TLCD5: variants seen among roughly 807,000 people sequenced by gnomAD.
TLCD5 encodes the protein TLC domain containing 5.
TLCD5 carries 15 observed loss-of-function variants against 20.5 expected under a neutral mutation model. The observed-to-expected ratio is 0.73, with a 90% CI of 0.49 to 1.13. TLCD5 has a LOEUF of 1.13. Ranked by LOEUF, TLCD5 falls within the 50% of genes most tolerant of loss-of-function variation. TLCD5 has a pLI of 0.00. For missense variants in TLCD5, 289 were observed against 305.6 expected (o/e 0.95, Z 0.41); for synonymous variants, 107 against 114.7 (o/e 0.93, Z 0.43).
At position 120,331,341 on chromosome 11, in the gene TLCD5, T is replaced by G. The variant is rs1942148801; in HGVS notation, c.*826T>G. 1 of 152,232 alleles carries G rather than the reference T, an allele frequency of 6.6e-6. No individual in the cohort carries two copies. Among genetic ancestry groups the G allele is most frequent in the Non-Finnish European group, 1.5e-5 (1 of 68,038 alleles). 9.4% of individuals were successfully genotyped at this position (152,232 alleles called of 1,614,324 possible). On this transcript the variant is annotated 3_prime_UTR_variant, in exon 3 of 3. Transcript: ENST00000375095. The surrounding 1 kb of genome is among the most constrained non-coding windows in gnomAD (Gnocchi z 4.5). ...TGCACTTAATTCCCCTAGCAGTGAT[T>G]TGTTACGACATGTGAATGAGTTGTC...
intron 2 of TLCD5, among the ~76,000 whole-genome samples, chr11:120,328,678 AG>A (rs869232714): frequency 1.7e-4 from 4 of 24,166 alleles, no homozygotes; most frequent in African/African-American, 4.1e-4. Flanking sequence ...TAACAGTCAT[AG>A]TGTGTGTGTG....
rs531610304 is a variant in TLCD5, at chr11:120,331,094, C to T, written c.*579C>T. 6.6e-6 allele frequency: 1 copy of T among 152,492 alleles called. No individual in the cohort carries two copies. The highest frequency in any genetic ancestry group is 2.1e-4 in the South Asian group (1 of 4,828). The allele number at this position is 152,492 out of a possible 1,614,324, so 9.4% of individuals were successfully genotyped here. A position where few individuals can be genotyped will look rare whatever the true frequency, so the allele number is the denominator to read the frequency against. On this transcript the variant is annotated 3_prime_UTR_variant, in exon 3 of 3. Coordinates refer to ENST00000375095, the MANE Select transcript of TLCD5 (RefSeq NM_001198671.2). This position sits in a 1 kb window ranked among gnomAD's most constrained non-coding sequence, Gnocchi z 4.5. ...TGAGGGGGAGGGCTACTTACTGAAC[C>T]TCCTATACCAACTGTGCCAGAGGTG...
In TLCD5 at chr11:120,327,453, T is replaced by C; in HGVS notation, c.12T>C (p.Ala4=). MAL[A]LCLQVLCSLC... is the part of the protein sequence containing the mutation. ...CTTTTCATCACAGGATGGCATTAGC[T>C]CTGTGTCTGCAGGTGCTGTGCAGCC... Residue 4 remains alanine, a synonymous_variant, in exon 2 of 3, where the codon GCT becomes GCC. Transcript: ENST00000375095. The C allele has an allele frequency of 6.2e-7, 1 of 1,614,256 alleles. No homozygotes were observed. Among genetic ancestry groups the C allele is most frequent in the Non-Finnish European group, 8.5e-7 (1 of 1,180,038 alleles).
chr11:120,328,626 T>TA (rs1942057188), intron 2 of TLCD5, among the ~76,000 whole-genome samples: 1 of 134,540 alleles, frequency 7.4e-6, no homozygotes, highest in Non-Finnish European at 1.6e-5. Context: ...GTGTGTGTGT[T>TA]TGTATATGTA....
chr11:120,330,127 T>G lies in TLCD5; in HGVS notation c.350T>G (p.Leu117Arg), dbSNP rs112116258. 1 of 1,613,570 alleles carries G rather than the reference T, an allele frequency of 6.2e-7. No individual in the cohort carries two copies. The highest frequency in any genetic ancestry group is 8.5e-7 in the Non-Finnish European group (1 of 1,179,700). Residue 117 changes from leucine to arginine, a missense_variant, in exon 3 of 3, where the codon CTT becomes CGT. Transcript: ENST00000375095. ...TLSILGIIMA[L>R]VLGESGTEVN... Reference sequence around the variant, plus strand: ...AGTATCTTGGGCATTATCATGGCCCTTGTGCTTGGGGAGTCTGGCACAGAG... The same window carrying G: ...AGTATCTTGGGCATTATCATGGCCCGTGTGCTTGGGGAGTCTGGCACAGAG...
intron 1 of TLCD5, chr11:120,327,027 TTC>T (rs2135161340): frequency 3.9e-6 from 1 of 257,388 alleles, no homozygotes; most frequent in South Asian, 5.5e-5. Context: ...CGTGGCAGTG[TTC>T]TGTTTTTTCA....
intron 1 of TLCD5, 155 bp from the exon 2 acceptor site, chr11:120,327,286 T>C (rs998885412): frequency 1.3e-5 from 17 of 1,296,040 alleles, no homozygotes; most frequent in Non-Finnish European, 1.3e-5. Context: ...CATACTTAAA[T>C]AGAAGATTCT....
chr11:120,328,859 G>A (rs867805933), intron 2 of TLCD5, among the ~76,000 whole-genome samples: 20 of 119,674 alleles, frequency 1.7e-4, no homozygotes, highest in African/African-American at 2.1e-4. Context: ...GTGTGTGTGT[G>A]TGTGTATGTA....
chr11:120,327,378 G>T, intron 1 of TLCD5, 63 bp from the exon 2 acceptor site: 1 of 1,612,876 alleles, frequency 6.2e-7, no homozygotes, highest in East Asian at 2.2e-5. Flanking sequence ...TACACAAAAT[G>T]ACCCAGTGCT....
rs773220231 is a variant in TLCD5, at chr11:120,327,585, A to G, written c.144A>G (p.Ile48Met). The G allele has an allele frequency of 1.9e-6, 3 of 1,614,186 alleles. No homozygotes were observed. Among genetic ancestry groups the G allele is most frequent in the Admixed American group, 1.7e-5 (1 of 60,022 alleles). Reference sequence around the variant, plus strand: ...CCTTCACCCATGGAGTCCTCTCTATAGGCCTCTCCGCTTATATTGGCTTCA... The same window carrying G: ...CCTTCACCCATGGAGTCCTCTCTATGGGCCTCTCCGCTTATATTGGCTTCA... Reference protein sequence around the residue: ...LVTFTHGVLSIGLSAYIGFID... With the variant: ...LVTFTHGVLSMGLSAYIGFID... Residue 48 changes from isoleucine (I) to methionine (M), a missense_variant, in exon 2 of 3, where the codon ATA (isoleucine) becomes ATG (methionine). Transcript: ENST00000375095.
chr11:120,329,012 TGTGTGTGTATGTG>T, intron 2 of TLCD5, among the ~76,000 whole-genome samples: 1 of 150,286 alleles, frequency 6.7e-6, no homozygotes, highest in South Asian at 2.2e-4. Flanking sequence ...ATAGTGTGTG[TGTGTGTGTATGTG>T]TTTGTATATG....
At chr11:120,328,166 G>A (rs893313365) in intron 2 of TLCD5, among the ~76,000 whole-genome samples, 2 of 151,486 alleles carry the variant, frequency 1.3e-5, no homozygotes, top group Non-Finnish European at 2.9e-5. Context: ...AGCAAGCTCC[G>A]CCTCCCAGGA....
At chr11:120,328,066 C>G (rs1253989196) in intron 2 of TLCD5, among the ~76,000 whole-genome samples, 1 of 151,922 alleles carries the variant, frequency 6.6e-6, no homozygotes, top group Non-Finnish European at 1.5e-5. Flanking sequence ...ACTAGATGTA[C>G]AAGTGTTACT....
At chr11:120,328,372 C>T (rs1353529166) in intron 2 of TLCD5, among the ~76,000 whole-genome samples, 1 of 152,172 alleles carries the variant, frequency 6.6e-6, no homozygotes, top group Non-Finnish European at 1.5e-5. Context: ...TGAGCCACCG[C>T]ACCCGGCCAA....
At chr11:120,328,762 T>TTGTGTGTGTGTGTG (rs1165132439) in intron 2 of TLCD5, among the ~76,000 whole-genome samples, 18 of 12,328 alleles carry the variant, frequency 1.5e-3, no homozygotes, top group Admixed American at 4.7e-3. Context: ...AACAGTCATA[T>TTGTGTGTGTGTGTG]TGTGTGTGTG....
intron 2 of TLCD5, among the ~76,000 whole-genome samples, chr11:120,328,773 T>TGTGTGTGCGTGTATGTTTGCGC (rs1388398001): frequency 1.5e-5 from 1 of 65,530 alleles, no homozygotes; most frequent in African/African-American, 7.4e-5. Flanking sequence ...TGTGTGTGTG[T>TGTGTGTGCGTGTATGTTTGCGC]GTGTGCGCGT....
chr11:120,328,373 A>G (rs1234284953), intron 2 of TLCD5, among the ~76,000 whole-genome samples: 3 of 152,120 alleles, frequency 2.0e-5, no homozygotes, highest in East Asian at 1.9e-4. Flanking sequence ...GAGCCACCGC[A>G]CCCGGCCAAG....
chr11:120,329,303 C>G (rs780109224), intron 2 of TLCD5, among the ~76,000 whole-genome samples: 10 of 152,126 alleles, frequency 6.6e-5, no homozygotes, highest in Admixed American at 2.6e-4. Context: ...CTTAACTCCC[C>G]TGGAATATAA....
At chr11:120,328,226 C>T (rs1408499946) in intron 2 of TLCD5, among the ~76,000 whole-genome samples, 1 of 151,998 alleles carries the variant, frequency 6.6e-6, no homozygotes. Flanking sequence ...ACTACAGGTG[C>T]CCGCCACCAT....
Sources: allele counts gnomAD v4.1 joint callset (sites outside exome capture counted in the v4.1 genomes callset), GRCh38; gene constraint gnomAD v4.1.1; non-coding constraint Gnocchi (gnomAD v3.1); transcripts MANE v1.5; gene names NCBI Gene and HGNC (gene_info 2026-07-23, HGNC 2026-07-21).